ZMAT4: variants seen among roughly 807,000 people sequenced by gnomAD.
The protein encoded by ZMAT4 is zinc finger matrin-type 4, also known as zinc finger matrin-type protein 4.
ZMAT4 carries 17 observed loss-of-function variants against 28.7 expected under a neutral mutation model. That is an observed-to-expected ratio of 0.59 (90% CI 0.41 to 0.89). The LOEUF is 0.89. Ranked by LOEUF, ZMAT4 falls within the 40% of genes least tolerant of loss-of-function variation. The pLI, the probability that ZMAT4 is intolerant of heterozygous loss-of-function variation, is 0.00. For synonymous variants in ZMAT4, 117 were observed against 109.2 expected, an observed-to-expected ratio of 1.07 and a Z score of -0.44; for missense variants, 240 against 283.8, an observed-to-expected ratio of 0.85 and a Z score of 1.11.
chr8:40,622,125 G>A (rs143014113), intron 5 of ZMAT4, among the ~76,000 whole-genome samples: 1 of 151,964 alleles, frequency 6.6e-6, no homozygotes, highest in South Asian at 2.1e-4. Context: ...AAAGTACAAG[G>A]GTATTTTTAA....
At chr8:40,819,641 C>G (rs1815676958) in intron 2 of ZMAT4, among the ~76,000 whole-genome samples, 1 of 152,074 alleles carries the variant, frequency 6.6e-6, no homozygotes, top group African/African-American at 2.4e-5. Flanking sequence ...ACGAGGATGC[C>G]TAACCACTGA....
At chr8:40,857,465 CA>C (rs1254267993) in intron 1 of ZMAT4, among the ~76,000 whole-genome samples, 2 of 152,022 alleles carry the variant, frequency 1.3e-5, no homozygotes, top group East Asian at 1.9e-4. Flanking sequence ...TGAAGGACCA[CA>C]ATGGAATTCC....
chr8:40,841,536 C>T (rs992621080), intron 1 of ZMAT4, among the ~76,000 whole-genome samples: 1 of 152,232 alleles, frequency 6.6e-6, no homozygotes, highest in East Asian at 1.9e-4. Context: ...GGTCAGTGCC[C>T]CCTCCCCAGG....
intron 5 of ZMAT4, among the ~76,000 whole-genome samples, chr8:40,658,410 T>C (rs1808024335): frequency 6.6e-6 from 1 of 152,068 alleles, no homozygotes; most frequent in African/African-American, 2.4e-5. Context: ...CAAACTTAGG[T>C]GAAGTCAAAC....
intron 5 of ZMAT4, among the ~76,000 whole-genome samples, chr8:40,620,501 C>T (rs575694353): frequency 1.4e-4 from 21 of 152,240 alleles, no homozygotes; most frequent in African/African-American, 5.1e-4. Context: ...GAGGATCATT[C>T]CTGAGGAATC....
intron 6 of ZMAT4, among the ~76,000 whole-genome samples, chr8:40,561,513 G>A (rs1051674648): frequency 7.2e-5 from 11 of 152,080 alleles, no homozygotes; most frequent in African/African-American, 2.4e-4. Context: ...GAACTAACTC[G>A]GGTTTCAGTC....
chr8:40,847,540 G>A (rs1197644502), intron 1 of ZMAT4, among the ~76,000 whole-genome samples: 1 of 152,150 alleles, frequency 6.6e-6, no homozygotes, highest in Non-Finnish European at 1.5e-5. Flanking sequence ...GGGAGGACGT[G>A]GGAAGGCAAT....
chr8:40,747,760 G>C (rs2150543010), intron 3 of ZMAT4, among the ~76,000 whole-genome samples: 1 of 152,208 alleles, frequency 6.6e-6, no homozygotes, highest in East Asian at 1.9e-4. Flanking sequence ...TAGATAATGA[G>C]AGACCAAACA....
chr8:40,735,342 T>C (rs1337793273), intron 3 of ZMAT4, among the ~76,000 whole-genome samples: 1 of 152,180 alleles, frequency 6.6e-6, no homozygotes, highest in Non-Finnish European at 1.5e-5. Flanking sequence ...TTAAATTATA[T>C]TATACTCAAT....
intron 2 of ZMAT4, among the ~76,000 whole-genome samples, chr8:40,791,844 C>T (rs1177166941): frequency 6.6e-6 from 1 of 152,172 alleles, no homozygotes; most frequent in Non-Finnish European, 1.5e-5. Context: ...CAGCCCTGTG[C>T]CCTGGTGTCC....
chr8:40,781,900 G>C (rs1813852122), intron 2 of ZMAT4, among the ~76,000 whole-genome samples: 1 of 150,852 alleles, frequency 6.6e-6, no homozygotes, highest in African/African-American at 2.4e-5. Context: ...ATGCAAAACA[G>C]TGGAGTTGGA....
rs866338557 is a variant in ZMAT4 at position 40,845,796 on chromosome 8, A to G, written c.-4-20116T>C. Among the ~76,000 whole-genome samples the G allele has an allele frequency of 1.6e-3, 188 of 120,678 alleles. 2 individuals are homozygous for G. The highest frequency in any genetic ancestry group is 0.012 in the Middle Eastern group (3 of 244). 79.2% of individuals were successfully genotyped at this position (120,678 alleles called of 152,430 possible). A position where few individuals can be genotyped will look rare whatever the true frequency, so the allele number is the denominator to read the frequency against. ...GTAGTTAAAAAAAAAAAAAAAAAAA[A>G]AGAGAGAGAGACTAAGGGTGGAGGG... On this transcript the variant is annotated intron_variant, in intron 1 of 6. Transcript: ENST00000297737.
At chr8:40,894,682 C>CATGTAT (rs1818808638) in intron 1 of ZMAT4, among the ~76,000 whole-genome samples, 2 of 152,030 alleles carry the variant, frequency 1.3e-5, no homozygotes, top group Non-Finnish European at 2.9e-5. Flanking sequence ...AAATAGCGTG[C>CATGTAT]TCCAACCTCT....
chr8:40,672,652 T>A (rs1228581624), intron 5 of ZMAT4, among the ~76,000 whole-genome samples: 2 of 152,148 alleles, frequency 1.3e-5, no homozygotes, highest in African/African-American at 4.8e-5. Context: ...ACAGGAAGAA[T>A]GTGCTGTAGG....
At chr8:40,667,732 A>G (rs1352324098) in intron 5 of ZMAT4, among the ~76,000 whole-genome samples, 2 of 152,088 alleles carry the variant, frequency 1.3e-5, no homozygotes, top group South Asian at 2.1e-4. Flanking sequence ...ACTCATGGCT[A>G]CAAGAACAAG....
chr8:40,706,608 C>T (rs1249585451), intron 3 of ZMAT4, among the ~76,000 whole-genome samples: 1 of 152,118 alleles, frequency 6.6e-6, no homozygotes, highest in Admixed American at 6.5e-5. Flanking sequence ...CTTTACTACC[C>T]CAAAATAAAT....
At chr8:40,694,325 A>G (rs904528388) in intron 4 of ZMAT4, among the ~76,000 whole-genome samples, 1 of 152,148 alleles carries the variant, frequency 6.6e-6, no homozygotes, top group Non-Finnish European at 1.5e-5. Flanking sequence ...TACTTGCAGT[A>G]ACTTGAGAAC....
chr8:40,882,223 A>C (rs573673957), intron 1 of ZMAT4, among the ~76,000 whole-genome samples: 1 of 152,150 alleles, frequency 6.6e-6, no homozygotes, highest in Non-Finnish European at 1.5e-5. Context: ...TTTCCCACAA[A>C]TCACTTGATT....
chr8:40,588,535 T>C (rs957811655), intron 5 of ZMAT4, among the ~76,000 whole-genome samples: 3 of 152,100 alleles, frequency 2.0e-5, no homozygotes, highest in African/African-American at 7.2e-5. Context: ...CTCAACATCA[T>C]GTGTCATCAG....
Sources: gnomAD v4.1 joint callset for allele counts (sites outside exome capture counted in the v4.1 genomes callset) on GRCh38, gnomAD v4.1.1 for gene constraint, MANE v1.5 for transcripts, NCBI Gene and HGNC (gene_info 2026-07-23, HGNC 2026-07-21) for gene names.